Variants in SAMD9L observed in about 807,000 individuals in gnomAD.
The protein encoded by SAMD9L is sterile alpha motif domain-containing protein 9-like.
SAMD9L carries 68 observed loss-of-function variants against 90.7 expected under a neutral mutation model. The ratio of observed to expected loss-of-function variants is 0.75; its 90% confidence interval spans 0.62 to 0.92. SAMD9L has a LOEUF of 0.92. Ranked by LOEUF, SAMD9L falls within the 40% of genes least tolerant of loss-of-function variation. The probability of loss-of-function intolerance (pLI) is 0.00; values close to 1 mark genes in which losing one functional copy is unlikely to be tolerated. For missense variants in SAMD9L, 1,604 were observed against 1,824.3 expected (o/e 0.88, Z 2.20); for synonymous variants, 640 against 630.1 (o/e 1.02, Z -0.23).
In SAMD9L at chr7:93,134,873, A is replaced by G; in HGVS notation, c.1099T>C (p.Leu367=). Reference sequence around the variant, plus strand: ...GCTACCAGTGACTTTAAATTTTGTAAAAATGCCTTGAAATCTACATCCCGT... The same window carrying G: ...GCTACCAGTGACTTTAAATTTTGTAGAAATGCCTTGAAATCTACATCCCGT... ...KQRDVDFKAF[L]QNLKSLVASR... Residue 367 remains leucine (L), a synonymous_variant, in exon 5 of 5, where the codon TTA becomes CTA. Transcript: ENST00000318238. The G allele has an allele frequency of 6.2e-7, 1 of 1,613,936 alleles. No homozygotes were observed. The highest frequency in any genetic ancestry group is 2.2e-5 in the East Asian group (1 of 44,860).
chr7:93,133,313 A>C lies in SAMD9L; in HGVS notation c.2659T>G (p.Tyr887Asp). 6.2e-7 allele frequency: 1 copy of C among 1,612,634 alleles called. No homozygotes were observed. Among genetic ancestry groups the C allele is most frequent in the Non-Finnish European group, 8.5e-7 (1 of 1,179,276 alleles). ...EKQHKNCENF[Y>D]SFMIMKSNFD... is the part of the protein sequence containing the mutation. Reference sequence around the variant, plus strand: ...TTGCTTTTCATGATCATGAAGGAATAAAAGTTTTCACAGTTCTTGTGCTGC... The same window carrying C: ...TTGCTTTTCATGATCATGAAGGAATCAAAGTTTTCACAGTTCTTGTGCTGC... The change falls in exon 5 of 5, where the codon TAT becomes GAT. Residue 887 changes from tyrosine to aspartate, a missense_variant. This residue lies in a region of SAMD9L where 606 missense variants were observed against 717.6 expected (regional missense o/e 0.84). Transcript: ENST00000318238.
chr7:93,136,004 A>C lies in SAMD9L; in HGVS notation c.-20-13T>G. 6.7e-7 allele frequency: 1 copy of C among 1,485,794 alleles called. No homozygotes were observed. The highest frequency in any genetic ancestry group is 9.0e-7 in the Non-Finnish European group (1 of 1,114,210). The allele number at this position is 1,485,794 out of a possible 1,614,324, so 92.0% of individuals were successfully genotyped here. On this transcript the variant is annotated splice_polypyrimidine_tract_variant and intron_variant, in intron 4 of 4. Coordinates refer to ENST00000318238, the MANE Select transcript of SAMD9L (RefSeq NM_152703.5). Reference sequence around the variant, plus strand: ...CTTCAACTTCTTCCTGAGACAAAGCAATATAATAAGTATTTTAGAATTATA... The same window carrying C: ...CTTCAACTTCTTCCTGAGACAAAGCCATATAATAAGTATTTTAGAATTATA...
Position 93,135,737 on chromosome 7 carries a change from A to G in SAMD9L, c.235T>C (p.Ser79Pro). Reference protein sequence around the residue: ...KRSYNKLNSKSPESDNHDPGQ... With the variant: ...KRSYNKLNSKPPESDNHDPGQ... ...GGATCATGATTGTCACTTTCAGGGGACTTACTATTCAATTTGTTGTATGAA... is the reference window on the plus strand; with the variant it reads ...GGATCATGATTGTCACTTTCAGGGGGCTTACTATTCAATTTGTTGTATGAA... Residue 79 changes from serine to proline, a missense_variant, in exon 5 of 5, where the codon TCC becomes CCC. Physicochemically the swap from Ser to Pro is moderately conservative, Grantham distance 74. Around this residue, in one of 7 missense-constraint regions of SAMD9L, gnomAD observed 374 missense variants for 363.6 expected, o/e 1.03. Coordinates refer to ENST00000318238, the MANE Select transcript of SAMD9L (RefSeq NM_152703.5). The G allele has an allele frequency of 2.5e-6, 4 of 1,613,904 alleles. No homozygotes were observed. The highest frequency in any genetic ancestry group is 3.4e-6 in the Non-Finnish European group (4 of 1,179,956).
At chr7:93,137,711 TTCC>T (rs1468862713) in intron 4 of SAMD9L, among the ~76,000 whole-genome samples, 33 of 149,874 alleles carry the variant, frequency 2.2e-4, no homozygotes, top group Non-Finnish European at 3.5e-4. Flanking sequence ...AATTTTTAGG[TTCC>T]TTAGGTTTAA....
chr7:93,133,556 C>CA lies in SAMD9L; in HGVS notation c.2415dup (p.Glu806Ter). On this transcript the variant is annotated frameshift_variant, in exon 5 of 5. Coordinates refer to ENST00000318238, the MANE Select transcript of SAMD9L (RefSeq NM_152703.5). LOFTEE classifies it high-confidence loss of function. Reference sequence around the variant, plus strand: ...AGAAAGTAGACATTTTCTTGTTCTTCAAAATCATCCACAAGGAGAAGCACA... The same window carrying CA: ...AGAAAGTAGACATTTTCTTGTTCTTCAAAAATCATCCACAAGGAGAAGCACA... 1.2e-6 allele frequency: 2 copies of CA among 1,613,740 alleles called. No homozygotes were observed. Among genetic ancestry groups the CA allele is most frequent in the Non-Finnish European group, 1.7e-6 (2 of 1,179,824 alleles).
At position 93,131,632 on chromosome 7, in the gene SAMD9L, A is replaced by T. The variant is rs1792103048; in HGVS notation, c.4340T>A (p.Leu1447Gln). Residue 1447 changes from leucine (L) to glutamine (Q), a missense_variant, in exon 5 of 5, where the codon CTA becomes CAA. By Grantham distance (113) the Leu-to-Gln change is moderately radical. This residue lies in a region of SAMD9L where 282 missense variants were observed against 329.6 expected (regional missense o/e 0.86). Transcript: ENST00000318238. ...TAAGGATGAAACATACTTTTCTATT[A>T]GTTTGGAATCTTGATCTAGCTCTTG... Reference protein sequence around the residue: ...ENQELDQDSKLIEKYVSSLNR... With the variant: ...ENQELDQDSKQIEKYVSSLNR... The T allele has an allele frequency of 1.2e-6, 2 of 1,613,882 alleles. No individual in the cohort carries two copies. The highest frequency in any genetic ancestry group is 1.7e-6 in the Non-Finnish European group (2 of 1,179,900).
At position 93,133,953 on chromosome 7, in the gene SAMD9L, T is replaced by G. The variant is rs751264175; in HGVS notation, c.2019A>C (p.Lys673Asn). Reference protein sequence around the residue: ...ECTETDIEKDKSKFLEFKKSK... With the variant: ...ECTETDIEKDNSKFLEFKKSK... ...ATTTCTTAAACTCCAGGAATTTAGATTTGTCTTTCTCGATGTCTGTCTCTG... is the reference window on the plus strand; with the variant it reads ...ATTTCTTAAACTCCAGGAATTTAGAGTTGTCTTTCTCGATGTCTGTCTCTG... The change falls in exon 5 of 5, where the codon AAA becomes AAC. Residue 673 changes from lysine (K) to asparagine (N), a missense_variant. By Grantham distance (94) the Lys-to-Asn change is moderately conservative. Around this residue, in one of 7 missense-constraint regions of SAMD9L, gnomAD observed 606 missense variants for 717.6 expected, o/e 0.84. Coordinates refer to ENST00000318238, the MANE Select transcript of SAMD9L (RefSeq NM_152703.5). The G allele has an allele frequency of 6.2e-7, 1 of 1,613,814 alleles. No homozygotes were observed.
rs1792180533 is a variant in SAMD9L at position 93,132,649 on chromosome 7, T to C, written c.3323A>G (p.Gln1108Arg). 1 of 1,613,804 alleles carries C rather than the reference T, an allele frequency of 6.2e-7. No individual in the cohort carries two copies. Among genetic ancestry groups the C allele is most frequent in the African/African-American group, 1.3e-5 (1 of 75,034 alleles). ...ATTTTTAGGTGCTTTCATTTTGGCC[T>C]GACGTGCCCAGTCCAGAGCTGTGTT... Reference protein sequence around the residue: ...DFNTALDWARQAKMKAPKNSY... With the variant: ...DFNTALDWARRAKMKAPKNSY... The change falls in exon 5 of 5, where the codon CAG becomes CGG. Residue 1108 changes from glutamine (Q) to arginine (R), a missense_variant. Gln to Arg is a conservative substitution (Grantham distance 43). Around this residue, in one of 7 missense-constraint regions of SAMD9L, gnomAD observed 302 missense variants for 314.7 expected, o/e 0.96. Transcript: ENST00000318238.
chr7:93,140,282 C>T (rs1584293499), intron 4 of SAMD9L, among the ~76,000 whole-genome samples: 1 of 151,838 alleles, frequency 6.6e-6, no homozygotes, highest in Non-Finnish European at 1.5e-5. Context: ...GACAATGGCC[C>T]TCCACACCCT....
chr7:93,135,782 G>T lies in SAMD9L; in HGVS notation c.190C>A (p.Pro64Thr). 7 of 1,613,946 alleles carry T rather than the reference G, an allele frequency of 4.3e-6. No individual in the cohort carries two copies. The highest frequency in any genetic ancestry group is 5.1e-6 in the Non-Finnish European group (6 of 1,179,938). ...DLVEMGLPWG[P>T]ALLIKRSYNK... ...TATGAACGTTTTATCAAAAGTGCTG[G>T]ACCCCATGGTAGCCCCATTTCTACA... The change falls in exon 5 of 5, where the codon CCA (proline) becomes ACA (threonine). Residue 64 changes from proline to threonine, a missense_variant. Coordinates refer to ENST00000318238, the MANE Select transcript of SAMD9L (RefSeq NM_152703.5).
Position 93,135,415 on chromosome 7 carries a change from T to A in SAMD9L, c.557A>T (p.Glu186Val). 6.2e-7 allele frequency: 1 copy of A among 1,614,144 alleles called. No homozygotes were observed. The highest frequency in any genetic ancestry group is 1.1e-5 in the South Asian group (1 of 91,080). Residue 186 changes from glutamate (E) to valine (V), a missense_variant, in exon 5 of 5, where the codon GAA (glutamate) becomes GTA (valine). This residue lies in a region of SAMD9L where 374 missense variants were observed against 363.6 expected (regional missense o/e 1.03). Transcript: ENST00000318238. ...ATCAATGAGATTGAGTGCTCCTGTT[T>A]CAGGTTGTAGAGTATAATGTTCTAT... ...RYIEHYTLQPETGALNLIDPI... is the reference protein window; with the variant it reads ...RYIEHYTLQPVTGALNLIDPI...
rs147460899 is a variant in SAMD9L at position 93,135,829 on chromosome 7, T to G, written c.143A>C (p.Gln48Pro). The change falls in exon 5 of 5, where the codon CAG becomes CCG. Residue 48 changes from glutamine to proline, a missense_variant. Gln to Pro is a moderately conservative substitution (Grantham distance 76). Coordinates refer to ENST00000318238, the MANE Select transcript of SAMD9L (RefSeq NM_152703.5). ...TACAAGGTCCTTCTCAGTTAATTCC[T>G]GCAGGACTAATCCTGTTACTTCTTC... ...LSEEVTGLVL[Q>P]ELTEKDLVEM... 3 of 1,614,090 alleles carry G rather than the reference T, an allele frequency of 1.9e-6. No individual in the cohort carries two copies. The highest frequency in any genetic ancestry group is 2.5e-6 in the Non-Finnish European group (3 of 1,179,972).
Position 93,131,960 on chromosome 7 carries a change from C to G in SAMD9L, c.4012G>C (p.Asp1338His). ...TATTCCAAGAGTCCAGCAAACCTATCTGCTCTCAGAGCTTCTAGCTTTTTC... is the reference window on the plus strand; with the variant it reads ...TATTCCAAGAGTCCAGCAAACCTATGTGCTCTCAGAGCTTCTAGCTTTTTC... ...CRKKLEALRA[D>H]RFAGLLEYLN... The change falls in exon 5 of 5, where the codon GAT becomes CAT. Residue 1338 changes from aspartate to histidine, a missense_variant. Transcript: ENST00000318238. The G allele has an allele frequency of 1.2e-6, 2 of 1,612,704 alleles. No homozygotes were observed. Among genetic ancestry groups the G allele is most frequent in the East Asian group, 4.5e-5 (2 of 44,860 alleles).
rs902245551 is a variant in SAMD9L at position 93,133,508 on chromosome 7, A to G, written c.2464T>C (p.Leu822=). Residue 822 remains leucine, a synonymous_variant, in exon 5 of 5, where the codon TTA becomes CTA. Transcript: ENST00000318238. ...YFLQNAIHSV[L]AEKDLRYEKT... ...TCATATCGCAAATCCTTTTCTGCTA[A>G]AACGGAATGGATGGCATTTTGTAGA... 6.2e-7 allele frequency: 1 copy of G among 1,613,104 alleles called. No homozygotes were observed. Among genetic ancestry groups the G allele is most frequent in the Admixed American group, 1.7e-5 (1 of 59,850 alleles).
intron 4 of SAMD9L, among the ~76,000 whole-genome samples, chr7:93,138,500 A>T (rs1792547051): frequency 6.6e-6 from 1 of 152,100 alleles, no homozygotes; most frequent in African/African-American, 2.4e-5. Flanking sequence ...TGTCAGACAC[A>T]AGAAGGAGTC....
intron 4 of SAMD9L, among the ~76,000 whole-genome samples, chr7:93,141,392 C>T (rs981264038): frequency 1.3e-5 from 2 of 152,202 alleles, no homozygotes; most frequent in Non-Finnish European, 2.9e-5. Context: ...CTGGCTTCTG[C>T]CATGATGTCC....
chr7:93,145,523 G>A lies in SAMD9L; in HGVS notation c.-261C>T, dbSNP rs1414312556. 6.6e-6 allele frequency: 1 copy of A among 152,180 alleles called. No individual in the cohort carries two copies. The highest frequency in any genetic ancestry group is 1.9e-4 in the East Asian group (1 of 5,186). The allele number at this position is 152,180 out of a possible 1,614,324, so 9.4% of individuals were successfully genotyped here. On this transcript the variant is annotated 5_prime_UTR_variant, in exon 3 of 5. Coordinates refer to ENST00000318238, the MANE Select transcript of SAMD9L (RefSeq NM_152703.5). ...GTCACGTTCTGGAAAGCAGCTATGA[G>A]GAAGCAGAGCTGTAGGCAGAACAGA...
intron 4 of SAMD9L, among the ~76,000 whole-genome samples, chr7:93,144,121 G>C (rs1350785447): frequency 6.6e-6 from 1 of 152,150 alleles, no homozygotes; most frequent in Non-Finnish European, 1.5e-5. Context: ...TTTTTGTTCT[G>C]CTTCTTCAAA....
Position 93,132,663 on chromosome 7 carries a change from C to G in SAMD9L, c.3309G>C (p.Leu1103=). 6.2e-7 allele frequency: 1 copy of G among 1,613,830 alleles called. No individual in the cohort carries two copies. The highest frequency in any genetic ancestry group is 8.5e-7 in the Non-Finnish European group (1 of 1,179,820). The change falls in exon 5 of 5, where the codon CTG becomes CTC. Residue 1103 remains leucine (L), a synonymous_variant. Transcript: ENST00000318238. The stretch of plus-strand genomic sequence containing the variant: ...TCATTTTGGCCTGACGTGCCCAGTC[C>G]AGAGCTGTGTTAAAGTCCTTCTCTT... ...YIKEKDFNTA[L]DWARQAKMKA...
Sources: allele counts gnomAD v4.1 joint callset (sites outside exome capture counted in the v4.1 genomes callset), GRCh38; gene constraint gnomAD v4.1.1; regional missense constraint gnomAD v4.1.1; transcripts MANE v1.5; gene names NCBI Gene and HGNC (gene_info 2026-07-23, HGNC 2026-07-21).